The following SFXN1 variants were observed in gnomAD, a reference collection of about 807,000 sequenced individuals.
The protein encoded by SFXN1 is sideroflexin 1, also known as sideroflexin-1.
Under a neutral mutation model 39.5 loss-of-function variants are expected in SFXN1, and 32 were observed. That is an observed-to-expected ratio of 0.81 (90% CI 0.61 to 1.09). The LOEUF is 1.09. Ranked by LOEUF, SFXN1 falls within the 50% of genes least tolerant of loss-of-function variation. The pLI is 0.00. For synonymous variants in SFXN1, 136 were observed against 146.5 expected (o/e 0.93, Z 0.52); for missense variants, 402 against 407.1 (o/e 0.99, Z 0.11).
At chr5:175,521,183 C>A (rs562522537) in intron 8 of SFXN1, among the ~76,000 whole-genome samples, 106 of 151,758 alleles carry the variant, frequency 7.0e-4, no homozygotes, top group African/African-American at 2.3e-3. Flanking sequence ...TTAAGTACCA[C>A]TCCTTTTTTA....
At chr5:175,482,912 C>T (rs2113252954) in intron 1 of SFXN1, among the ~76,000 whole-genome samples, 1 of 152,292 alleles carries the variant, frequency 6.6e-6, no homozygotes, top group Middle Eastern at 3.4e-3. Flanking sequence ...TCAGCAAAAA[C>T]CAGCCAGAAA....
Position 175,527,700 on chromosome 5 carries a change from A to G in SFXN1, c.*966A>G, listed in dbSNP as rs1040294806. 10 of 152,134 alleles carry G rather than the reference A, an allele frequency of 6.6e-5. No homozygotes were observed. Among genetic ancestry groups the G allele is most frequent in the Admixed American group, 2.0e-4 (3 of 15,262 alleles). The allele number at this position is 152,134 out of a possible 1,614,324, so 9.4% of individuals were successfully genotyped here. A position where few individuals can be genotyped will look rare whatever the true frequency, so the allele number is the denominator to read the frequency against. On this transcript the variant is annotated 3_prime_UTR_variant, in exon 11 of 11. Transcript: ENST00000321442. Reference sequence around the variant, plus strand: ...ATAATGTGTGTATGAATCAGTCACAATGAATTTTACTTGAATATTGTATGT... The same window carrying G: ...ATAATGTGTGTATGAATCAGTCACAGTGAATTTTACTTGAATATTGTATGT...
At chr5:175,519,807 A>G (rs896254050) in intron 8 of SFXN1, among the ~76,000 whole-genome samples, 3 of 149,402 alleles carry the variant, frequency 2.0e-5, no homozygotes, top group Non-Finnish European at 3.0e-5. Flanking sequence ...CAATAAAGCT[A>G]TTAGATCACT....
rs1322602379 is a variant in SFXN1 at position 175,478,624 on chromosome 5, C to G, written c.-25C>G. 6.6e-6 allele frequency: 1 copy of G among 151,770 alleles called. No homozygotes were observed. Among genetic ancestry groups the G allele is most frequent in the Non-Finnish European group, 1.5e-5 (1 of 68,254 alleles). 9.4% of individuals were successfully genotyped at this position (151,770 alleles called of 1,614,324 possible). ...CGGGACCTGCGAGCAGCGCGGGCGG[C>G]AGCCCGGGGGAAGCGGTGAGTCGCG... On this transcript the variant is annotated 5_prime_UTR_variant, in exon 1 of 11. Transcript: ENST00000321442.
Position 175,508,919 on chromosome 5 carries a change from G to A in SFXN1, c.165-113G>A, listed in dbSNP as rs1760411294. 58 of 996,134 alleles carry A rather than the reference G, an allele frequency of 5.8e-5. No individual in the cohort carries two copies. In the South Asian group the frequency reaches 9.3e-4, roughly 16 times the overall value. 61.7% of individuals were successfully genotyped at this position (996,134 alleles called of 1,614,324 possible). ...CAAAGTGCTGGGATTACAGACGTAAGCCACCACACCCAGCCAGAGCATAAA... is the reference window on the plus strand; with the variant it reads ...CAAAGTGCTGGGATTACAGACGTAAACCACCACACCCAGCCAGAGCATAAA... On this transcript the variant is annotated intron_variant, in intron 2 of 10. Transcript: ENST00000321442.
intron 7 of SFXN1, 78 bp from the exon 8 acceptor site, chr5:175,516,536 T>A: frequency 7.7e-7 from 1 of 1,300,184 alleles, no homozygotes; most frequent in Non-Finnish European, 1.1e-6. Flanking sequence ...AGAAGCTTTC[T>A]GTCAAATGGT....
At chr5:175,489,743 T>G (rs946690572) in intron 1 of SFXN1, among the ~76,000 whole-genome samples, 2 of 152,162 alleles carry the variant, frequency 1.3e-5, no homozygotes, top group African/African-American at 4.8e-5. Flanking sequence ...ATTATCCTCC[T>G]TCTAGAGACT....
intron 2 of SFXN1, among the ~76,000 whole-genome samples, chr5:175,503,729 G>A (rs1001459088): frequency 5.9e-5 from 9 of 152,166 alleles, no homozygotes; most frequent in Non-Finnish European, 1.2e-4. Context: ...CTGGCCGGGC[G>A]TGGTGGCTCA....
chr5:175,480,655 A>G (rs1023469773), intron 1 of SFXN1, among the ~76,000 whole-genome samples: 2 of 152,242 alleles, frequency 1.3e-5, no homozygotes, highest in Admixed American at 1.3e-4. Flanking sequence ...ACAGAAAGGC[A>G]CCAACTGGCA....
At chr5:175,505,290 T>C (rs996661802) in intron 2 of SFXN1, among the ~76,000 whole-genome samples, 1 of 151,830 alleles carries the variant, frequency 6.6e-6, no homozygotes, top group Admixed American at 6.6e-5. Flanking sequence ...ATCCCAGCAC[T>C]TTGGGAGGCC....
chr5:175,524,000 C>G (rs945269719), intron 10 of SFXN1: 2 of 149,700 alleles, frequency 1.3e-5, no homozygotes, highest in African/African-American at 4.9e-5. Context: ...AATTCAGTGC[C>G]CAATGAGGCA....
chr5:175,522,461 A>G, intron 10 of SFXN1, 39 bp downstream of exon 10: 1 of 1,594,034 alleles, frequency 6.3e-7, no homozygotes, highest in Non-Finnish European at 8.5e-7. Context: ...CATGAGTATT[A>G]ATCCTAAAAA....
chr5:175,511,399 G>C (rs1254168221), intron 4 of SFXN1, 52 bp from the exon 5 acceptor site: 3 of 1,340,182 alleles, frequency 2.2e-6, no homozygotes, highest in Non-Finnish European at 3.2e-6. Flanking sequence ...TGTTGCACCA[G>C]AGTTTCCTGA....
chr5:175,522,248 T>C (rs1760904727), intron 9 of SFXN1, 127 bp from the exon 10 acceptor site: 2 of 963,434 alleles, frequency 2.1e-6, no homozygotes, highest in African/African-American at 1.6e-5. Flanking sequence ...ACAGGACTTA[T>C]TTTTGTTAGA....
At chr5:175,487,161 A>G (rs1035653387) in intron 1 of SFXN1, among the ~76,000 whole-genome samples, 18 of 152,190 alleles carry the variant, frequency 1.2e-4, no homozygotes, top group Non-Finnish European at 1.6e-4. Context: ...TCCGTCCAGC[A>G]TGAAGTCCAC....
At chr5:175,489,320 T>G (rs1385844048) in intron 1 of SFXN1, among the ~76,000 whole-genome samples, 3 of 152,234 alleles carry the variant, frequency 2.0e-5, no homozygotes, top group Non-Finnish European at 4.4e-5. Context: ...AAACAAATGC[T>G]GAGTAATACA....
intron 2 of SFXN1, among the ~76,000 whole-genome samples, chr5:175,500,441 C>CAT (rs1235990694): frequency 1.2e-4 from 15 of 126,700 alleles, no homozygotes; most frequent in Non-Finnish European, 6.6e-5. Context: ...CACACACACA[C>CAT]ACACACACAC....
At chr5:175,505,537 CAATAATAATAAT>C (rs3049011) in intron 2 of SFXN1, among the ~76,000 whole-genome samples, 36,532 of 143,846 alleles carry the variant, frequency 0.25, 6,082 homozygotes, top group African/African-American at 0.47. Context: ...AACTCCATCA[CAATAATAATAAT>C]AATAATAATA....
rs184433792 is a variant in SFXN1 at position 175,488,551 on chromosome 5, G to A, written c.-9-3544G>A. 8.3e-3 allele frequency among the ~76,000 whole-genome samples: 1,269 copies of A among 152,090 alleles called. 11 individuals carry two copies. The highest frequency in any genetic ancestry group is 0.014 in the Non-Finnish European group (923 of 67,954). On this transcript the variant is annotated intron_variant, in intron 1 of 10. Transcript: ENST00000321442. ...TGACCTCAGGTGATCCGCCCGCCTC[G>A]GCCTTCCAAAGTGCTGGGATTACAG...
Sources: gnomAD v4.1 joint callset for allele counts (sites outside exome capture counted in the v4.1 genomes callset) on GRCh38, gnomAD v4.1.1 for gene constraint, MANE v1.5 for transcripts, NCBI Gene and HGNC (gene_info 2026-07-23, HGNC 2026-07-21) for gene names.